RBFOX1: variants seen among roughly 807,000 people sequenced by gnomAD.
RBFOX1 encodes RNA binding fox-1 homolog 1.
RBFOX1 carries 8 observed loss-of-function variants against 57.7 expected under a neutral mutation model. That is an observed-to-expected ratio of 0.14 (90% CI 0.08 to 0.25). The LOEUF is 0.25. Ranked by LOEUF, RBFOX1 falls within the 10% of genes least tolerant of loss-of-function variation. RBFOX1 has a pLI of 1.00. For missense variants in RBFOX1, 611 were observed against 548.5 expected, an observed-to-expected ratio of 1.11 and a Z score of -1.14; for synonymous variants, 326 against 222.4, an observed-to-expected ratio of 1.47 and a Z score of -4.15.
intron 1 of RBFOX1, among the ~76,000 whole-genome samples, chr16:5,322,449 C>T (rs188305181): frequency 6.6e-6 from 1 of 152,094 alleles, no homozygotes; most frequent in Non-Finnish European, 1.5e-5. Flanking sequence ...TGGGCATGGC[C>T]AGAGGTGCAC....
intron 2 of RBFOX1, among the ~76,000 whole-genome samples, chr16:6,622,411 G>A (rs1390011373): frequency 2.6e-5 from 4 of 152,134 alleles, no homozygotes; most frequent in Non-Finnish European, 4.4e-5. Flanking sequence ...GTTGCCTACA[G>A]TATTCAGTAC....
At chr16:6,450,607 G>T (rs1009468954) in intron 2 of RBFOX1, among the ~76,000 whole-genome samples, 2 of 149,636 alleles carry the variant, frequency 1.3e-5, no homozygotes, top group East Asian at 2.0e-4. Context: ...TCCAACCCCT[G>T]TTTCCATTTC....
intron 3 of RBFOX1, among the ~76,000 whole-genome samples, chr16:5,834,194 G>A (rs2056377225): frequency 6.6e-6 from 1 of 152,208 alleles, no homozygotes; most frequent in African/African-American, 2.4e-5. Flanking sequence ...CAGTGGTGAA[G>A]TCTGAGCTTT....
chr16:5,393,354 C>A (rs544763), intron 1 of RBFOX1, among the ~76,000 whole-genome samples: 65,764 of 152,006 alleles, frequency 0.43, 14,811 homozygotes, highest in African/African-American at 0.54. Context: ...TGTATCTGTC[C>A]GTGTCCAGGC....
chr16:6,681,070 C>G (rs1346040456), intron 3 of RBFOX1, among the ~76,000 whole-genome samples: 2 of 152,118 alleles, frequency 1.3e-5, no homozygotes, highest in Non-Finnish European at 2.9e-5. Context: ...CAGTCCTTTG[C>G]AAGGCTGAGG....
intron 1 of RBFOX1, chr16:5,366,763 C>G (rs2065728175): frequency 3.4e-6 from 1 of 298,004 alleles, no homozygotes; most frequent in South Asian, 3.5e-5. Flanking sequence ...ATCTGGCTGT[C>G]CTTTTTGTAA....
intron 4 of RBFOX1, among the ~76,000 whole-genome samples, chr16:7,077,237 G>C (rs2153789999): frequency 6.6e-6 from 1 of 152,328 alleles, no homozygotes; most frequent in Non-Finnish European, 1.5e-5. Flanking sequence ...TCCATGAGGG[G>C]AAATGTTGGC....
chr16:7,644,321 T>G (rs552417854), intron 11 of RBFOX1, among the ~76,000 whole-genome samples: 6 of 152,338 alleles, frequency 3.9e-5, no homozygotes, highest in African/African-American at 1.4e-4. Flanking sequence ...CAAGTGCTAG[T>G]AAATCCTAGC....
At chr16:7,487,954 T>G (rs1024727825) in intron 4 of RBFOX1, among the ~76,000 whole-genome samples, 1 of 150,854 alleles carries the variant, frequency 6.6e-6, no homozygotes, top group Admixed American at 6.6e-5. Context: ...TTGGAATGGA[T>G]TTTTTTTTCC....
rs2055836465 is a variant in RBFOX1, at chr16:5,821,092, G to GGA, written c.319-46211_319-46210insGA. ...AGGTGCTCCTACCAGGGTCTCTGCA[G>GGA]CACACCCCCATCAGGACCAAACTCA... On this transcript the variant is annotated intron_variant, in intron 3 of 19. Transcript: ENST00000641259. 2.0e-5 allele frequency among the ~76,000 whole-genome samples: 3 copies of GGA among 152,028 alleles called. No homozygotes were observed. The South Asian group carries it at 6.2e-4, about 32-fold the overall frequency.
chr16:7,463,252 C>T (rs1018127065), intron 4 of RBFOX1, among the ~76,000 whole-genome samples: 4 of 152,118 alleles, frequency 2.6e-5, no homozygotes, highest in African/African-American at 9.7e-5. Context: ...CCCTGTAATC[C>T]CAGCACTTTG....
intron 2 of RBFOX1, among the ~76,000 whole-genome samples, chr16:5,582,439 G>C (rs1249007409): frequency 6.6e-6 from 1 of 152,036 alleles, no homozygotes; most frequent in Non-Finnish European, 1.5e-5. Context: ...CAAGTACAGT[G>C]CCCCTGTTAA....
At chr16:7,233,751 A>G (rs895914226) in intron 4 of RBFOX1, among the ~76,000 whole-genome samples, 2 of 152,180 alleles carry the variant, frequency 1.3e-5, no homozygotes, top group African/African-American at 2.4e-5. Context: ...ACATAACAAC[A>G]TTTGGGAATT....
intron 1 of RBFOX1, among the ~76,000 whole-genome samples, chr16:5,373,606 C>T (rs944049447): frequency 3.4e-5 from 5 of 146,638 alleles, no homozygotes; most frequent in African/African-American, 1.2e-4. Flanking sequence ...AACGTCTTTT[C>T]TTTTTTTTTT....
chr16:6,649,260 A>G (rs11643447), intron 2 of RBFOX1, among the ~76,000 whole-genome samples: 1 of 152,178 alleles, frequency 6.6e-6, no homozygotes, highest in Non-Finnish European at 1.5e-5. Flanking sequence ...ATGTCATCAC[A>G]GTGACAGGCT....
At chr16:6,376,035 C>G (rs1451170982) in intron 2 of RBFOX1, among the ~76,000 whole-genome samples, 1 of 152,168 alleles carries the variant, frequency 6.6e-6, no homozygotes, top group East Asian at 1.9e-4. Context: ...TCATTTACCA[C>G]TTGTATAGGG....
chr16:5,420,161 C>T (rs1308953616), intron 1 of RBFOX1, among the ~76,000 whole-genome samples: 1 of 152,090 alleles, frequency 6.6e-6, no homozygotes, highest in Non-Finnish European at 1.5e-5. Context: ...CTGGTCTGAC[C>T]AGAGTCATAC....
At chr16:5,595,170 C>T (rs1402845925) in intron 2 of RBFOX1, among the ~76,000 whole-genome samples, 4 of 151,902 alleles carry the variant, frequency 2.6e-5, no homozygotes, top group Non-Finnish European at 4.4e-5. Context: ...AACCATGTTT[C>T]CCCAAAGACA....
chr16:5,284,756 A>ATTTTT (rs1166998032), intron 1 of RBFOX1, among the ~76,000 whole-genome samples: 3 of 61,030 alleles, frequency 4.9e-5, no homozygotes, highest in African/African-American at 1.8e-4. Context: ...TTTGGCTTAG[A>ATTTTT]TTTTTTTTTT....
Sources: gnomAD v4.1 joint callset for allele counts (sites outside exome capture counted in the v4.1 genomes callset) on GRCh38, gnomAD v4.1.1 for gene constraint, MANE v1.5 for transcripts, NCBI Gene and HGNC (gene_info 2026-07-23, HGNC 2026-07-21) for gene names.